PCLO: variants seen among roughly 807,000 people sequenced by gnomAD.
PCLO encodes the protein protein piccolo.
PCLO carries 82 observed loss-of-function variants against 427.5 expected under a neutral mutation model. The observed-to-expected ratio is 0.19, with a 90% CI of 0.16 to 0.23. The LOEUF is 0.23. Among genes scored for constraint, PCLO ranks in the 10% least tolerant of loss-of-function variants. PCLO has a pLI of 1.00. For synonymous variants in PCLO, 2,357 were observed against 2,155.4 expected (o/e 1.09, Z -2.59); for missense variants, 6,239 against 6,115.9 (o/e 1.02, Z -0.67).
chr7:83,135,392 C>T lies in PCLO; in HGVS notation c.2158G>A (p.Ala720Thr), dbSNP rs954304436. 3.7e-5 allele frequency: 60 copies of T among 1,613,772 alleles called. No homozygotes were observed. The highest frequency in any genetic ancestry group is 4.9e-5 in the Non-Finnish European group (58 of 1,179,886). ...PTLHGSPSAK[A>T]KQPPEADSLS... ...GAATCTGCCTCAGGGGGCTGCTTGGCCTTGGCTGAAGGAGAGCCATGAAGG... is the reference window on the plus strand; with the variant it reads ...GAATCTGCCTCAGGGGGCTGCTTGGTCTTGGCTGAAGGAGAGCCATGAAGG... Residue 720 changes from alanine to threonine, a missense_variant, in exon 3 of 25, where the codon GCC becomes ACC. By Grantham distance (58) the Ala-to-Thr change is moderately conservative. Around this residue, in one of 5 missense-constraint regions of PCLO, gnomAD observed 4,677 missense variants for 4,468.4 expected, o/e 1.05. Coordinates refer to ENST00000333891, the MANE Select transcript of PCLO (RefSeq NM_033026.6).
At chr7:83,147,280 T>C (rs1439484247) in intron 2 of PCLO, among the ~76,000 whole-genome samples, 1 of 152,134 alleles carries the variant, frequency 6.6e-6, no homozygotes, top group Non-Finnish European at 1.5e-5. Flanking sequence ...TTTTAAATGA[T>C]TGAATTATAT....
In PCLO at chr7:82,834,867, T is replaced by A. The variant is rs78381396; in HGVS notation, c.14249+800A>T. 1.6e-4 allele frequency among the ~76,000 whole-genome samples: 25 copies of A among 152,304 alleles called. No individual in the cohort carries two copies. The East Asian group carries it at 4.4e-3, about 27-fold the overall frequency. ...ATCCTACATTGCATAGCAGAAATTT[T>A]GTGGGGCAGAAGTTACAAAGGCATG... On this transcript the variant is annotated intron_variant, in intron 16 of 24. Transcript: ENST00000333891.
chr7:82,977,564 C>T (rs1161773286), intron 3 of PCLO, among the ~76,000 whole-genome samples: 2 of 151,868 alleles, frequency 1.3e-5, no homozygotes, highest in African/African-American at 2.4e-5. Context: ...AGGTGCCCAC[C>T]ACCACACCCA....
Position 83,135,320 on chromosome 7 carries a change from G to T in PCLO, c.2230C>A (p.Gln744Lys), listed in dbSNP as rs918009703. Residue 744 changes from glutamine (Q) to lysine (K), a missense_variant, in exon 3 of 25, where the codon CAG becomes AAG. Gln to Lys is a moderately conservative substitution (Grantham distance 53). Coordinates refer to ENST00000333891, the MANE Select transcript of PCLO (RefSeq NM_033026.6). ...PPKEPSVPSEQDKAPVADDKP... is the reference protein window; with the variant it reads ...PPKEPSVPSEKDKAPVADDKP... ...TCATCAGCAACAGGGGCCTTGTCCT[G>T]CTCAGATGGGACAGAAGGTTCTTTG... The T allele has an allele frequency of 6.8e-6, 11 of 1,613,782 alleles. No homozygotes were observed. Among genetic ancestry groups the T allele is most frequent in the Middle Eastern group, 1.6e-4 (1 of 6,084 alleles).
chr7:82,916,300 G>A lies in PCLO; in HGVS notation c.11686C>T (p.Pro3896Ser). 7 of 1,613,672 alleles carry A rather than the reference G, an allele frequency of 4.3e-6. No individual in the cohort carries two copies. The highest frequency in any genetic ancestry group is 5.9e-6 in the Non-Finnish European group (7 of 1,179,710). The change falls in exon 7 of 25, where the codon CCT becomes TCT. Residue 3896 changes from proline (P) to serine (S), a missense_variant. This residue lies in a region of PCLO where 680 missense variants were observed against 677.3 expected (regional missense o/e 1.00). Transcript: ENST00000333891. ...GTGTATGAGGTGGGTGCTTGGGTAGGAAGAGCAGGGGAAGAGTACTGGTAT... is the reference window on the plus strand; with the variant it reads ...GTGTATGAGGTGGGTGCTTGGGTAGAAAGAGCAGGGGAAGAGTACTGGTAT... The part of the protein sequence containing the change: ...TQYQYSSPAL[P>S]TQAPTSYTQQ...
intron 18 of PCLO, among the ~76,000 whole-genome samples, chr7:82,824,935 C>A (rs2115665062): frequency 6.6e-6 from 1 of 151,938 alleles, no homozygotes; most frequent in South Asian, 2.1e-4. Context: ...GGCGACAGAG[C>A]AAGATTCTGT....
chr7:82,953,190 T>C lies in PCLO; in HGVS notation c.7763A>G (p.Glu2588Gly). The change falls in exon 5 of 25, where the codon GAA becomes GGA. Residue 2588 changes from glutamate to glycine, a missense_variant. Around this residue, in one of 5 missense-constraint regions of PCLO, gnomAD observed 4,677 missense variants for 4,468.4 expected, o/e 1.05. Coordinates refer to ENST00000333891, the MANE Select transcript of PCLO (RefSeq NM_033026.6). ...ETYVVITLPS[E>G]PGTPTDSSAS... ...AGAAGAATCTGTTGGAGTCCCTGGT[T>C]CAGATGGCAATGTAATAACTACATA... 1 of 1,613,960 alleles carries C rather than the reference T, an allele frequency of 6.2e-7. No individual in the cohort carries two copies. Among genetic ancestry groups the C allele is most frequent in the Non-Finnish European group, 8.5e-7 (1 of 1,179,874 alleles).
chr7:82,918,582 T>C (rs1458698754), intron 6 of PCLO, among the ~76,000 whole-genome samples: 1 of 152,088 alleles, frequency 6.6e-6, no homozygotes, highest in Non-Finnish European at 1.5e-5. Context: ...AGATATGTCA[T>C]GTTTTTTGAA....
chr7:82,998,789 A>G (rs774977776), intron 3 of PCLO, among the ~76,000 whole-genome samples: 4 of 151,842 alleles, frequency 2.6e-5, no homozygotes, highest in Admixed American at 2.0e-4. Flanking sequence ...GGAATACTCA[A>G]AGACAAAACA....
chr7:82,860,855 G>T (rs1362550701), intron 10 of PCLO, among the ~76,000 whole-genome samples: 1 of 151,924 alleles, frequency 6.6e-6, no homozygotes, highest in Non-Finnish European at 1.5e-5. Context: ...TTTTCTTTTT[G>T]CTTGTTTGTT....
chr7:82,858,131 G>A (rs1241533069), intron 10 of PCLO, among the ~76,000 whole-genome samples: 1 of 152,022 alleles, frequency 6.6e-6, no homozygotes, highest in Non-Finnish European at 1.5e-5. Context: ...ATGATCAAGT[G>A]GGATTTATCA....
chr7:82,917,746 C>A (rs1794500632), intron 6 of PCLO, among the ~76,000 whole-genome samples: 1 of 151,900 alleles, frequency 6.6e-6, no homozygotes, highest in African/African-American at 2.4e-5. Flanking sequence ...ATAATCTTTA[C>A]AAGATGCTTC....
chr7:82,848,922 C>A, intron 10 of PCLO: 1 of 411,396 alleles, frequency 2.4e-6, no homozygotes, highest in Non-Finnish European at 4.9e-6. Context: ...CAATCCCAGG[C>A]TGTTGTACAT....
intron 3 of PCLO, among the ~76,000 whole-genome samples, chr7:82,987,794 A>G (rs191348669): frequency 5.3e-5 from 8 of 152,284 alleles, no homozygotes; most frequent in Admixed American, 3.9e-4. Context: ...AGAAAATATT[A>G]AGTATCTTAT....
At chr7:82,903,546 T>A (rs1474139948) in intron 8 of PCLO, among the ~76,000 whole-genome samples, 1 of 151,946 alleles carries the variant, frequency 6.6e-6, no homozygotes, top group African/African-American at 2.4e-5. Flanking sequence ...GAAACAAAAG[T>A]AAATTAGCGA....
chr7:83,127,119 G>C (rs1225280755), intron 3 of PCLO, among the ~76,000 whole-genome samples: 1 of 151,964 alleles, frequency 6.6e-6, no homozygotes, highest in Non-Finnish European at 1.5e-5. Context: ...CTCCCAATTT[G>C]TTAGTTTTCA....
intron 10 of PCLO, among the ~76,000 whole-genome samples, chr7:82,866,697 C>G (rs1793103138): frequency 6.8e-6 from 1 of 146,182 alleles, no homozygotes; most frequent in African/African-American, 2.5e-5. Context: ...CACACACACA[C>G]CCCTTTAATA....
intron 10 of PCLO, among the ~76,000 whole-genome samples, chr7:82,858,531 A>T (rs1431779253): frequency 6.6e-6 from 1 of 152,156 alleles, no homozygotes; most frequent in Non-Finnish European, 1.5e-5. Context: ...TGCAGATGAC[A>T]CGATGTTATA....
Position 82,879,411 on chromosome 7 carries a change from C to G in PCLO, c.13580G>C (p.Ser4527Thr), listed in dbSNP as rs377297010. ...GGCAATATAGGCTCCAATTTCTCCA[C>G]TATGTCCCGGGATTTCTTTACCACC... Reference protein sequence around the residue: ...IVGGKEIPGHSGEIGAYIAKI... With the variant: ...IVGGKEIPGHTGEIGAYIAKI... Residue 4527 changes from serine (S) to threonine (T), a missense_variant, in exon 10 of 25, where the codon AGT becomes ACT. This residue lies in a region of PCLO where 877 missense variants were observed against 925.5 expected (regional missense o/e 0.95). Transcript: ENST00000333891. The G allele has an allele frequency of 1.4e-5, 23 of 1,609,930 alleles. No homozygotes were observed. The Admixed American group carries it at 3.0e-4, about 21-fold the overall frequency.
Sources: allele counts gnomAD v4.1 joint callset (sites outside exome capture counted in the v4.1 genomes callset), GRCh38; gene constraint gnomAD v4.1.1; regional missense constraint gnomAD v4.1.1; transcripts MANE v1.5; gene names NCBI Gene and HGNC (gene_info 2026-07-23, HGNC 2026-07-21).